NADSYN1: variants seen among roughly 807,000 people sequenced by gnomAD.
NADSYN1 encodes glutamine-dependent NAD(+) synthetase.
A neutral mutation model predicts 99.3 loss-of-function variants in NADSYN1; 80 were observed. The observed-to-expected ratio is 0.81, with a 90% confidence interval of 0.67 to 0.97. The LOEUF (loss-of-function observed/expected upper bound fraction) is 0.97. Ranked by LOEUF, NADSYN1 falls within the 50% of genes least tolerant of loss-of-function variation. The pLI is 0.00. For missense variants in NADSYN1, 859 were observed against 948.5 expected, an observed-to-expected ratio of 0.91 and a Z score of 1.24; for synonymous variants, 385 against 372.1, an observed-to-expected ratio of 1.03 and a Z score of -0.40.
chr11:71,454,139 G>A (rs931224398), intron 1 of NADSYN1, among the ~76,000 whole-genome samples: 4 of 152,250 alleles, frequency 2.6e-5, no homozygotes, highest in African/African-American at 9.6e-5. Context: ...GACTGCAAGA[G>A]CCTTTGCCAG....
Position 71,474,469 on chromosome 11 carries a change from G to A in NADSYN1, c.741G>A (p.Met247Ile). 6.2e-7 allele frequency: 1 copy of A among 1,614,136 alleles called. No homozygotes were observed. Among genetic ancestry groups the A allele is most frequent in the Non-Finnish European group, 8.5e-7 (1 of 1,179,972 alleles). ...GDRLYYDGCAMIAMNGSVFAQ... is the reference protein window; with the variant it reads ...GDRLYYDGCAIIAMNGSVFAQ... The stretch of plus-strand genomic sequence containing the variant: ...GCCTGTACTACGACGGCTGTGCCAT[G>A]ATTGCCATGAACGGAAGCGTCTTTG... The change falls in exon 9 of 21, where the codon ATG (methionine) becomes ATA (isoleucine). Residue 247 changes from methionine (M) to isoleucine (I), a missense_variant. Coordinates refer to ENST00000319023, the MANE Select transcript of NADSYN1 (RefSeq NM_018161.5).
At chr11:71,478,118 T>C (rs1360427657) in intron 9 of NADSYN1, among the ~76,000 whole-genome samples, 1 of 150,570 alleles carries the variant, frequency 6.6e-6, no homozygotes, top group Non-Finnish European at 1.5e-5. Flanking sequence ...TGTGTCTTAC[T>C]GACGGGGTGT....
At chr11:71,470,224 G>A (rs750236023) in intron 5 of NADSYN1, among the ~76,000 whole-genome samples, 9 of 152,298 alleles carry the variant, frequency 5.9e-5, no homozygotes, top group East Asian at 5.8e-4. Context: ...ATCTCCCACC[G>A]GGTCCCTCCC....
Position 71,481,377 on chromosome 11 carries a change from C to G in NADSYN1, c.1020C>G (p.Leu340=). 6.2e-7 allele frequency: 1 copy of G among 1,613,896 alleles called. No homozygotes were observed. The highest frequency in any genetic ancestry group is 1.1e-5 in the South Asian group (1 of 91,082). ...GCAGCCTTGGACCTGCCTGCTGGCT[C>G]TGGGATTTTTTAAGACGAAGTCAAC... ...EEISLGPACW[L]WDFLRRSQQA... The change falls in exon 12 of 21, where the codon CTC becomes CTG. Residue 340 remains leucine, a synonymous_variant. Transcript: ENST00000319023.
At position 71,474,462 on chromosome 11, in the gene NADSYN1, G is replaced by A; in HGVS notation, c.734G>A (p.Cys245Tyr). The A allele has an allele frequency of 3.1e-6, 5 of 1,614,228 alleles. No individual in the cohort carries two copies. Among genetic ancestry groups the A allele is most frequent in the Non-Finnish European group, 4.2e-6 (5 of 1,180,030 alleles). Residue 245 changes from cysteine (C) to tyrosine (Y), a missense_variant, in exon 9 of 21, where the codon TGT becomes TAT. Physicochemically the swap from Cys to Tyr is radical, Grantham distance 194 (BLOSUM62 -2). Transcript: ENST00000319023. ...GGGGACCGCCTGTACTACGACGGCT[G>A]TGCCATGATTGCCATGAACGGAAGC... ...CDGDRLYYDG[C>Y]AMIAMNGSVF... is the part of the protein sequence containing the mutation.
intron 20 of NADSYN1, among the ~76,000 whole-genome samples, chr11:71,501,000 C>G (rs948842264): frequency 1.3e-5 from 2 of 151,926 alleles, no homozygotes; most frequent in Admixed American, 6.6e-5. Context: ...CAGGGGCGGG[C>G]TCCCCCAGAT....
intron 20 of NADSYN1, among the ~76,000 whole-genome samples, chr11:71,500,340 G>A (rs542674568): frequency 2.6e-4 from 39 of 151,948 alleles, no homozygotes; most frequent in African/African-American, 7.7e-4. Flanking sequence ...CCTGTAAAAC[G>A]AGGGTGGATC....
chr11:71,478,625 G>A (rs755557338), intron 10 of NADSYN1, 156 bp downstream of exon 10: 29 of 665,968 alleles, frequency 4.4e-5, no homozygotes, highest in Non-Finnish European at 6.1e-5. Context: ...GGCTGGTGCC[G>A]CAGACAGAAC....
intron 3 of NADSYN1, among the ~76,000 whole-genome samples, 196 bp from the exon 4 acceptor site, chr11:71,463,236 G>T (rs1949562168): frequency 6.6e-6 from 1 of 152,192 alleles, no homozygotes; most frequent in Non-Finnish European, 1.5e-5. Context: ...GGTGCTGCCT[G>T]GGTGGCAGAA....
rs1164573893 is a variant in NADSYN1 at position 71,494,042 on chromosome 11, G to A, written c.1764+2139G>A. On this transcript the variant is annotated intron_variant, in intron 18 of 20. Transcript: ENST00000319023. ...GGTATAAAAGTTACAATAAGCTAAG[G>A]TTAATTTATTATTGAAGGAAGAAAA... Among the ~76,000 whole-genome samples the A allele has an allele frequency of 2.0e-5, 3 of 152,222 alleles. No homozygotes were observed. In the East Asian group the frequency reaches 5.8e-4, roughly 29 times the overall value.
intron 18 of NADSYN1, among the ~76,000 whole-genome samples, chr11:71,494,601 AG>A (rs1441548927): frequency 7.2e-5 from 11 of 152,098 alleles, no homozygotes; most frequent in Non-Finnish European, 1.3e-4. Context: ...GGCTGCCTGG[AG>A]TGCAGTGGTG....
chr11:71,501,587 T>G lies in NADSYN1; in HGVS notation c.*235T>G. ...ATTTTGACCTCCCGCCAGCGTGCGC[T>G]TCCCCGCGAAGTCTGGCATTCTCCG... On this transcript the variant is annotated 3_prime_UTR_variant, in exon 21 of 21. Coordinates refer to ENST00000319023, the MANE Select transcript of NADSYN1 (RefSeq NM_018161.5). 3.8e-6 allele frequency: 2 copies of G among 531,014 alleles called. No individual in the cohort carries two copies. Among genetic ancestry groups the G allele is most frequent in the East Asian group, 3.2e-5 (1 of 31,272 alleles). 32.9% of individuals were successfully genotyped at this position (531,014 alleles called of 1,614,324 possible).
intron 3 of NADSYN1, 104 bp from the exon 4 acceptor site, chr11:71,463,328 G>C: frequency 9.7e-7 from 1 of 1,035,506 alleles, no homozygotes; most frequent in East Asian, 2.5e-5. Flanking sequence ...AGGAAGCTTC[G>C]TAGTAAAGTA....
In NADSYN1 at chr11:71,453,219, C is replaced by A; in HGVS notation, c.-78C>A. On this transcript the variant is annotated 5_prime_UTR_variant, in exon 1 of 21. Coordinates refer to ENST00000319023, the MANE Select transcript of NADSYN1 (RefSeq NM_018161.5). ...GGGCCGGGCAACCCGGAAGGTCCGG[C>A]GTCCCAGCCGCCTACCTCGCTGGGA... 1 of 1,297,662 alleles carries A rather than the reference C, an allele frequency of 7.7e-7. No individual in the cohort carries two copies. Among genetic ancestry groups the A allele is most frequent in the South Asian group, 1.3e-5 (1 of 79,244 alleles). The allele number at this position is 1,297,662 out of a possible 1,614,324, so 80.4% of individuals were successfully genotyped here. A position where few individuals can be genotyped will look rare whatever the true frequency, so the allele number is the denominator to read the frequency against.
At chr11:71,467,793 A>G (rs912204319) in intron 5 of NADSYN1, among the ~76,000 whole-genome samples, 1 of 152,240 alleles carries the variant, frequency 6.6e-6, no homozygotes, top group Non-Finnish European at 1.5e-5. Context: ...GTTATAGAGA[A>G]GAGGCGGTAT....
At chr11:71,498,194 C>T (rs926593164) in intron 19 of NADSYN1, among the ~76,000 whole-genome samples, 158 bp from the exon 20 acceptor site, 8 of 152,236 alleles carry the variant, frequency 5.3e-5, no homozygotes, top group African/African-American at 1.2e-4. Context: ...CCAGTGTCCC[C>T]GGCCTGAGCA....
chr11:71,472,850 C>G (rs1949636743), intron 6 of NADSYN1, among the ~76,000 whole-genome samples: 1 of 152,236 alleles, frequency 6.6e-6, no homozygotes, highest in Non-Finnish European at 1.5e-5. Context: ...AAATGCCCTA[C>G]TCTCAATTTT....
intron 1 of NADSYN1, among the ~76,000 whole-genome samples, chr11:71,454,387 T>C (rs1949499610): frequency 6.6e-6 from 1 of 152,184 alleles, no homozygotes; most frequent in Admixed American, 6.5e-5. Flanking sequence ...AATTTCTGTA[T>C]TTTTAGTAGA....
chr11:71,484,600 G>A (rs1226907131), intron 15 of NADSYN1, 153 bp downstream of exon 15: 4 of 1,129,222 alleles, frequency 3.5e-6, no homozygotes, highest in Non-Finnish European at 4.9e-6. Flanking sequence ...TGGGGTCACA[G>A]CCTGTATGCC....
Sources: gnomAD v4.1 joint callset for allele counts (sites outside exome capture counted in the v4.1 genomes callset) on GRCh38, gnomAD v4.1.1 for gene constraint, MANE v1.5 for transcripts, NCBI Gene and HGNC (gene_info 2026-07-23, HGNC 2026-07-21) for gene names.